Variants in CHST11 observed in about 807,000 individuals in gnomAD.
The protein encoded by CHST11 is C4S-1.
A neutral mutation model predicts 30.4 loss-of-function variants in CHST11; 9 were observed. The ratio of observed to expected loss-of-function variants is 0.30; its 90% CI spans 0.18 to 0.52. CHST11 has a LOEUF of 0.52. Ranked by LOEUF, CHST11 falls within the 20% of genes least tolerant of loss-of-function variation. CHST11 has a pLI of 0.97. For missense variants in CHST11, 348 were observed against 460.6 expected (o/e 0.76, Z 2.24); for synonymous variants, 152 against 187.8 (o/e 0.81, Z 1.56).
intron 2 of CHST11, among the ~76,000 whole-genome samples, chr12:104,642,755 T>C (rs1255734803): frequency 6.6e-6 from 1 of 151,902 alleles, no homozygotes; most frequent in African/African-American, 2.4e-5. Flanking sequence ...GTCTAGGTGG[T>C]TGGAATATAG....
chr12:104,666,208 G>C (rs934039059), intron 2 of CHST11, among the ~76,000 whole-genome samples: 4 of 152,144 alleles, frequency 2.6e-5, no homozygotes, highest in African/African-American at 9.7e-5. Context: ...GTTCTGTTTG[G>C]TAGGGGTTTA....
chr12:104,559,092 A>G (rs1244392469), intron 1 of CHST11, among the ~76,000 whole-genome samples: 2 of 151,258 alleles, frequency 1.3e-5, no homozygotes, highest in Non-Finnish European at 2.9e-5. Context: ...CCCAGTATCA[A>G]TCAGTGGGGT....
At chr12:104,747,826 G>T (rs1049490948) in intron 2 of CHST11, among the ~76,000 whole-genome samples, 2 of 152,110 alleles carry the variant, frequency 1.3e-5, no homozygotes, top group African/African-American at 4.8e-5. Context: ...GACAGTCAAA[G>T]GGGGCGACCT....
At chr12:104,576,362 C>T (rs1428590411) in intron 1 of CHST11, among the ~76,000 whole-genome samples, 4 of 152,084 alleles carry the variant, frequency 2.6e-5, no homozygotes, top group Non-Finnish European at 4.4e-5. Context: ...TATTAGCAGG[C>T]CCATTTTGCA....
chr12:104,725,505 A>G (rs1330704621), intron 2 of CHST11, among the ~76,000 whole-genome samples: 1 of 151,608 alleles, frequency 6.6e-6, no homozygotes. Context: ...ATACCTCAAT[A>G]AAGCTGTTAA....
intron 2 of CHST11, among the ~76,000 whole-genome samples, chr12:104,610,716 G>A (rs757583569): frequency 2.0e-5 from 3 of 152,198 alleles, no homozygotes; most frequent in Non-Finnish European, 4.4e-5. Context: ...AGAGACATCG[G>A]GGGTGAGAGG....
intron 1 of CHST11, among the ~76,000 whole-genome samples, chr12:104,557,365 G>C (rs977153029): frequency 1.8e-4 from 28 of 152,202 alleles, no homozygotes; most frequent in Non-Finnish European, 3.2e-4. Context: ...GGGGCTTATA[G>C]GCCTTGGTAA....
chr12:104,541,640 G>T (rs185665689), intron 1 of CHST11, among the ~76,000 whole-genome samples: 1 of 152,128 alleles, frequency 6.6e-6, no homozygotes, highest in East Asian at 1.9e-4. Context: ...GAATGAATTT[G>T]TCTGAATTTT....
At chr12:104,672,037 T>A (rs1238861760) in intron 2 of CHST11, among the ~76,000 whole-genome samples, 1 of 152,216 alleles carries the variant, frequency 6.6e-6, no homozygotes, top group East Asian at 1.9e-4. Context: ...CATTAAGGAA[T>A]ATTGTAATGA....
chr12:104,672,109 T>G (rs1198748034), intron 2 of CHST11, among the ~76,000 whole-genome samples: 2 of 152,200 alleles, frequency 1.3e-5, no homozygotes, highest in African/African-American at 4.8e-5. Flanking sequence ...TGATACAATT[T>G]GGGTAGCTCG....
chr12:104,757,059 C>A lies in CHST11; in HGVS notation c.315C>A (p.Asn105Lys). ...TSRKRRVLTPNDLKHLVVDED... is the reference protein window; with the variant it reads ...TSRKRRVLTPKDLKHLVVDED... The stretch of plus-strand genomic sequence containing the variant: ...GTAAGCGGAGGGTGCTGACCCCCAA[C>A]GACCTGAAGCACTTGGTGGTGGATG... Residue 105 changes from asparagine (N) to lysine (K), a missense_variant, in exon 3 of 3, where the codon AAC becomes AAA. Transcript: ENST00000303694. The surrounding 1 kb of genome is among the most constrained non-coding windows in gnomAD (Gnocchi z 6.5). 1.2e-6 allele frequency: 2 copies of A among 1,614,138 alleles called. No homozygotes were observed. Among genetic ancestry groups the A allele is most frequent in the South Asian group, 1.1e-5 (1 of 91,078 alleles).
rs932800443 is a variant in CHST11 at position 104,729,247 on chromosome 12, T to G, written c.205-27702T>G. 1.3e-5 allele frequency among the ~76,000 whole-genome samples: 2 copies of G among 152,112 alleles called. No individual in the cohort carries two copies. The highest frequency in any genetic ancestry group is 2.9e-5 in the Non-Finnish European group (2 of 68,026). ...CTGACCTCCTGCCCCACATACTCTG[T>G]CCCCTTGAGCAAGCCTCTCTGTGAC... On this transcript the variant is annotated intron_variant, in intron 2 of 2. Coordinates refer to ENST00000303694, the MANE Select transcript of CHST11 (RefSeq NM_018413.6). This position sits in a 1 kb window ranked among gnomAD's most constrained non-coding sequence, Gnocchi z 4.0.
chr12:104,746,793 C>G (rs566241532), intron 2 of CHST11, among the ~76,000 whole-genome samples: 1 of 152,168 alleles, frequency 6.6e-6, no homozygotes, highest in Non-Finnish European at 1.5e-5. Flanking sequence ...TCTTTAAAGG[C>G]CCAATATTTT....
chr12:104,621,255 G>A (rs975939969), intron 2 of CHST11, among the ~76,000 whole-genome samples: 3 of 152,192 alleles, frequency 2.0e-5, no homozygotes, highest in African/African-American at 7.2e-5. Flanking sequence ...AGCCAAGCCA[G>A]CCTCAAAGAT....
chr12:104,565,737 C>T (rs776876936), intron 1 of CHST11, among the ~76,000 whole-genome samples: 16 of 152,116 alleles, frequency 1.1e-4, no homozygotes, highest in Middle Eastern at 3.2e-3. Flanking sequence ...TGTGCGGCTC[C>T]GGCATCGCCA....
chr12:104,590,872 A>G lies in CHST11; in HGVS notation c.119-11034A>G, dbSNP rs184036657. Among the ~76,000 whole-genome samples, 95 of 152,182 alleles carry G rather than the reference A, an allele frequency of 6.2e-4. 2 individuals are homozygous for G. The highest frequency in any genetic ancestry group is 2.1e-3 in the African/African-American group (88 of 41,482). On this transcript the variant is annotated intron_variant, in intron 1 of 2. Transcript: ENST00000303694. ...GGGAGGTGGGGGTTGCAGTGAGCCAATATCGCACCACTTTACTCCAGCCTG... is the reference window on the plus strand; with the variant it reads ...GGGAGGTGGGGGTTGCAGTGAGCCAGTATCGCACCACTTTACTCCAGCCTG...
intron 1 of CHST11, among the ~76,000 whole-genome samples, chr12:104,465,964 A>C (rs1161558304): frequency 6.6e-6 from 1 of 151,648 alleles, no homozygotes; most frequent in Non-Finnish European, 1.5e-5. Context: ...GGTTCAAGCG[A>C]TTCTCCTGCC....
intron 2 of CHST11, among the ~76,000 whole-genome samples, chr12:104,680,361 A>T (rs1273753094): frequency 6.6e-6 from 1 of 152,236 alleles, no homozygotes; most frequent in African/African-American, 2.4e-5. Flanking sequence ...ACCACAGCAG[A>T]TGCAAGCCTG....
In CHST11 at chr12:104,744,538, C is replaced by T. The variant is rs529225824; in HGVS notation, c.205-12411C>T. ...TGCATAGTTCGTAAAAATTTCCTCCCGTTCTGTTATTGGTTGTCTGTTTAC... is the reference window on the plus strand; with the variant it reads ...TGCATAGTTCGTAAAAATTTCCTCCTGTTCTGTTATTGGTTGTCTGTTTAC... On this transcript the variant is annotated intron_variant, in intron 2 of 2. Transcript: ENST00000303694. Among the ~76,000 whole-genome samples, 13 of 152,232 alleles carry T rather than the reference C, an allele frequency of 8.5e-5. 1 individual carries two copies. Among genetic ancestry groups the T allele is most frequent in the Admixed American group, 6.5e-5 (1 of 15,300 alleles).
Sources: allele counts gnomAD v4.1 joint callset (sites outside exome capture counted in the v4.1 genomes callset), GRCh38; gene constraint gnomAD v4.1.1; non-coding constraint Gnocchi (gnomAD v3.1); transcripts MANE v1.5; gene names NCBI Gene and HGNC (gene_info 2026-07-23, HGNC 2026-07-21).